Variants in ARHGAP10 observed in about 807,000 individuals in gnomAD.
The protein encoded by ARHGAP10 is Rho GTPase activating protein 10, also known as rho GTPase-activating protein 10.
A neutral mutation model predicts 108.6 loss-of-function variants in ARHGAP10; 87 were observed. The observed-to-expected ratio is 0.80, with a 90% CI of 0.67 to 0.96. The LOEUF (loss-of-function observed/expected upper bound fraction) is 0.96. ARHGAP10 is among the 40% of genes least tolerant of loss of function. The pLI is 0.00. For missense variants in ARHGAP10, 939 were observed against 954.5 expected, an observed-to-expected ratio of 0.98 and a Z score of 0.21; for synonymous variants, 347 against 341.1, an observed-to-expected ratio of 1.02 and a Z score of -0.19.
At chr4:147,878,933 T>C (rs1422584094) in intron 8 of ARHGAP10, among the ~76,000 whole-genome samples, 2 of 152,112 alleles carry the variant, frequency 1.3e-5, no homozygotes, top group East Asian at 3.9e-4. Flanking sequence ...CCTGCCACTA[T>C]GCCTGGCTAA....
intron 3 of ARHGAP10, among the ~76,000 whole-genome samples, chr4:147,832,840 G>A (rs1733010138): frequency 6.6e-6 from 1 of 152,068 alleles, no homozygotes; most frequent in African/African-American, 2.4e-5. Flanking sequence ...AAATGGATAT[G>A]TATCTTATAG....
At chr4:148,008,812 T>G (rs1012806955) in intron 18 of ARHGAP10, among the ~76,000 whole-genome samples, 2 of 152,114 alleles carry the variant, frequency 1.3e-5, no homozygotes, top group African/African-American at 2.4e-5. Context: ...AAGATTGTAG[T>G]GTGGTGTTTT....
chr4:147,744,698 C>G (rs1055900315), intron 1 of ARHGAP10, among the ~76,000 whole-genome samples: 12 of 152,060 alleles, frequency 7.9e-5, no homozygotes, highest in African/African-American at 2.7e-4. Context: ...GTGCAGTTCA[C>G]TGAGGTCCTG....
At chr4:147,872,581 C>T (rs1278035944) in intron 7 of ARHGAP10, among the ~76,000 whole-genome samples, 1 of 152,194 alleles carries the variant, frequency 6.6e-6, no homozygotes, top group Non-Finnish European at 1.5e-5. Context: ...CCAAATTTGA[C>T]TACTAATCGC....
chr4:147,775,638 TTGGCTACGCTGACCTGGTTTTGAATTC>T (rs1344784179), intron 1 of ARHGAP10, among the ~76,000 whole-genome samples: 5 of 152,194 alleles, frequency 3.3e-5, no homozygotes, highest in African/African-American at 1.2e-4. Context: ...CACAGGCTTT[TTGGCTACGCTGACCTGGTTTTGAATTC>T]TGGCTCTGCC....
chr4:148,045,063 C>T (rs943858630), intron 19 of ARHGAP10, among the ~76,000 whole-genome samples: 1 of 152,184 alleles, frequency 6.6e-6, no homozygotes, highest in African/African-American at 2.4e-5. Flanking sequence ...CCCCCACCCT[C>T]CCCGGGAACA....
intron 1 of ARHGAP10, among the ~76,000 whole-genome samples, chr4:147,782,990 AT>A (rs1312714146): frequency 3.6e-5 from 5 of 139,246 alleles, no homozygotes; most frequent in Non-Finnish European, 7.7e-5. Context: ...TATATAAATT[AT>A]ATATATTATA....
At chr4:147,798,421 A>T (rs1007275529) in intron 1 of ARHGAP10, among the ~76,000 whole-genome samples, 1 of 152,176 alleles carries the variant, frequency 6.6e-6, no homozygotes, top group Non-Finnish European at 1.5e-5. Flanking sequence ...GTTAAAAAAT[A>T]TAATTTTGGC....
intron 13 of ARHGAP10, among the ~76,000 whole-genome samples, chr4:147,924,885 T>G (rs1441404905): frequency 6.6e-6 from 1 of 152,190 alleles, no homozygotes; most frequent in Non-Finnish European, 1.5e-5. Context: ...AGTTGCTTAT[T>G]TAGAGATAAA....
At chr4:147,941,445 T>C (rs990166785) in intron 14 of ARHGAP10, among the ~76,000 whole-genome samples, 1 of 152,186 alleles carries the variant, frequency 6.6e-6, no homozygotes, top group African/African-American at 2.4e-5. Flanking sequence ...TGTTTTTAAA[T>C]ATCTAAACCC....
At chr4:147,784,031 CAT>C (rs1450839059) in intron 1 of ARHGAP10, among the ~76,000 whole-genome samples, 3 of 136,194 alleles carry the variant, frequency 2.2e-5, no homozygotes, top group African/African-American at 7.9e-5. Flanking sequence ...ATATAACACA[CAT>C]TAAATTATAT....
chr4:147,827,890 C>T (rs569180146), intron 3 of ARHGAP10, among the ~76,000 whole-genome samples: 1 of 152,238 alleles, frequency 6.6e-6, no homozygotes, highest in African/African-American at 2.4e-5. Context: ...ACTGCAGCCT[C>T]CGCCTCCCAG....
rs1243293423 is a variant in ARHGAP10, at chr4:147,784,742, TA to T, written c.155-37982del. 1.4e-4 allele frequency among the ~76,000 whole-genome samples: 2 copies of T among 13,922 alleles called. 1 individual carries two copies. Among genetic ancestry groups the T allele is most frequent in the South Asian group, 8.7e-3 (2 of 230 alleles). 9.1% of individuals were successfully genotyped at this position (13,922 alleles called of 152,430 possible). ...ATAATATATTATAAAATATATATTA[TA>T]AATATATATTATAAAATGTATATTA... is the stretch of plus-strand genomic sequence containing the variant. On this transcript the variant is annotated intron_variant, in intron 1 of 22. Transcript: ENST00000336498.
At chr4:147,992,699 C>T (rs1740327498) in intron 18 of ARHGAP10, among the ~76,000 whole-genome samples, 1 of 152,138 alleles carries the variant, frequency 6.6e-6, no homozygotes, top group Admixed American at 6.5e-5. Flanking sequence ...AGCCATTGCA[C>T]CTGGCCGAAA....
chr4:147,824,605 G>A (rs1457445076), intron 3 of ARHGAP10, among the ~76,000 whole-genome samples: 1 of 152,076 alleles, frequency 6.6e-6, no homozygotes, highest in African/African-American at 2.4e-5. Context: ...TCATGGTGGT[G>A]GAAGGCAAAG....
At position 147,857,179 on chromosome 4, in the gene ARHGAP10, G is replaced by A. The variant is rs1177839758; in HGVS notation, c.385-374G>A. Reference sequence around the variant, plus strand: ...CATTTTAAACGAATTCCACGTCTGTGCCAAAATCTGGAGCAAGTTTGCTTT... The same window carrying A: ...CATTTTAAACGAATTCCACGTCTGTACCAAAATCTGGAGCAAGTTTGCTTT... On this transcript the variant is annotated intron_variant, in intron 4 of 22. Transcript: ENST00000336498. Among the ~76,000 whole-genome samples the A allele has an allele frequency of 2.0e-5, 3 of 152,190 alleles. No homozygotes were observed. The East Asian group carries it at 5.8e-4, about 29-fold the overall frequency.
At chr4:147,775,937 G>A (rs1730271286) in intron 1 of ARHGAP10, among the ~76,000 whole-genome samples, 1 of 152,100 alleles carries the variant, frequency 6.6e-6, no homozygotes. Context: ...TACACACTAG[G>A]AAACTGAGGC....
chr4:147,839,218 G>A (rs376619524), intron 3 of ARHGAP10, among the ~76,000 whole-genome samples: 1 of 152,086 alleles, frequency 6.6e-6, no homozygotes, highest in African/African-American at 2.4e-5. Flanking sequence ...AACAAGAGCT[G>A]TGTTTTTGCT....
At chr4:147,921,136 G>A (rs1158058196) in intron 13 of ARHGAP10, among the ~76,000 whole-genome samples, 2 of 152,222 alleles carry the variant, frequency 1.3e-5, no homozygotes, top group African/African-American at 2.4e-5. Flanking sequence ...TGGCAGTGGG[G>A]TAGATAGTGC....
Sources: allele counts gnomAD v4.1 joint callset (sites outside exome capture counted in the v4.1 genomes callset), GRCh38; gene constraint gnomAD v4.1.1; transcripts MANE v1.5; gene names NCBI Gene and HGNC (gene_info 2026-07-23, HGNC 2026-07-21).